Variants in XNDC1N observed in about 807,000 individuals in gnomAD.
XNDC1N encodes protein XNDC1N.
the XNDC1N span, among the ~76,000 whole-genome samples, chr11:71,888,264 A>C: frequency 6.6e-6 from 1 of 152,210 alleles, no homozygotes; most frequent in East Asian, 1.9e-4. Context: ...GCCCGGGATC[A>C]GAAAGAAAGC....
chr11:71,924,461 G>A, the XNDC1N span, among the ~76,000 whole-genome samples: 4 of 152,068 alleles, frequency 2.6e-5, no homozygotes, highest in Admixed American at 6.6e-5. Flanking sequence ...GGTGGATCAC[G>A]AGGTCAGGAG....
chr11:71,903,191 A>C, the XNDC1N span: 3 of 727,236 alleles, frequency 4.1e-6, no homozygotes, highest in South Asian at 4.3e-5. Flanking sequence ...TCCAAACGAT[A>C]CAGACCCACA....
At chr11:71,912,005 A>G in the XNDC1N span, among the ~76,000 whole-genome samples, 3 of 152,212 alleles carry the variant, frequency 2.0e-5, no homozygotes, top group Middle Eastern at 3.2e-3. Context: ...TGGGAGAGTA[A>G]CTGTGCCACA....
chr11:71,919,653 C>T, the XNDC1N span, among the ~76,000 whole-genome samples: 1 of 139,274 alleles, frequency 7.2e-6, no homozygotes, highest in Middle Eastern at 4.6e-3. Flanking sequence ...AGTCTCACTC[C>T]GTAGCCCAGG....
chr11:71,886,868 C>T, the XNDC1N span, among the ~76,000 whole-genome samples: 1 of 152,142 alleles, frequency 6.6e-6, no homozygotes, highest in Non-Finnish European at 1.5e-5. Flanking sequence ...ATCAGAGGGG[C>T]CCCCACAAAG....
the XNDC1N span, chr11:71,878,657 A>C: frequency 1.2e-6 from 1 of 826,798 alleles, no homozygotes; most frequent in East Asian, 2.7e-5. Context: ...GTTGATACTA[A>C]AGAAATAAAT....
the XNDC1N span, among the ~76,000 whole-genome samples, chr11:71,878,724 G>A: frequency 2.0e-5 from 3 of 152,088 alleles, no homozygotes; most frequent in Non-Finnish European, 4.4e-5. Context: ...GCCAGGCACA[G>A]TGGCTCATGT....
the XNDC1N span, among the ~76,000 whole-genome samples, chr11:71,913,166 A>T: frequency 6.6e-6 from 1 of 152,092 alleles, no homozygotes; most frequent in East Asian, 1.9e-4. Flanking sequence ...ACAATATCAC[A>T]GGGTTTTGTA....
chr11:71,925,985 A>G, the XNDC1N span: 4 of 148,052 alleles, frequency 2.7e-5, no homozygotes, highest in Non-Finnish European at 1.5e-5. Context: ...ATCAATGAAC[A>G]CTTGGGCCAG....
the XNDC1N span, among the ~76,000 whole-genome samples, chr11:71,927,228 C>CA: frequency 1.3e-5 from 2 of 152,122 alleles, no homozygotes; most frequent in Middle Eastern, 6.8e-3. Context: ...GCCTGGGCGA[C>CA]AGAGCCGGAC....
the XNDC1N span, among the ~76,000 whole-genome samples, chr11:71,912,679 G>C: frequency 1.1e-3 from 165 of 152,040 alleles, 1 homozygote; most frequent in Non-Finnish European, 1.6e-3. Context: ...GTAGGCGTGG[G>C]GGATGAACAC....
At chr11:71,879,055 A>T in the XNDC1N span, among the ~76,000 whole-genome samples, 8 of 152,166 alleles carry the variant, frequency 5.3e-5, no homozygotes, top group Non-Finnish European at 5.9e-5. Context: ...TGATCAAAAG[A>T]TGGTGAGAGG....
the XNDC1N span, among the ~76,000 whole-genome samples, chr11:71,915,220 G>A: frequency 2.0e-5 from 3 of 152,174 alleles, no homozygotes; most frequent in Non-Finnish European, 2.9e-5. Flanking sequence ...AGGCCGAGAC[G>A]GGAGGATCAC....
the XNDC1N span, among the ~76,000 whole-genome samples, chr11:71,881,164 T>A: frequency 6.6e-6 from 1 of 152,214 alleles, no homozygotes; most frequent in Non-Finnish European, 1.5e-5. Context: ...TTAGCTCTAA[T>A]GACATTTTTA....
At chr11:71,909,264 G>A in the XNDC1N span, among the ~76,000 whole-genome samples, 1,841 of 149,004 alleles carry the variant, frequency 0.012, 37 homozygotes, top group African/African-American at 0.046. Context: ...AAACGGCAAA[G>A]AGAATGGAGG....
the XNDC1N span, among the ~76,000 whole-genome samples, chr11:71,876,653 T>C: frequency 1.3e-5 from 2 of 152,162 alleles, no homozygotes; most frequent in Non-Finnish European, 2.9e-5. Flanking sequence ...GGCAAACAAA[T>C]GTTCATAGAA....
chr11:71,912,981 T>C, the XNDC1N span, among the ~76,000 whole-genome samples: 1 of 152,048 alleles, frequency 6.6e-6, no homozygotes, highest in East Asian at 1.9e-4. Flanking sequence ...GAAATTTTCC[T>C]CTCTTCCCCT....
chr11:71,909,409 G>T, the XNDC1N span, among the ~76,000 whole-genome samples: 5 of 152,174 alleles, frequency 3.3e-5, no homozygotes, highest in South Asian at 8.3e-4. Context: ...CCAGTGTGCT[G>T]ATTGTAAAGA....
At chr11:71,883,957 A>G in the XNDC1N span, among the ~76,000 whole-genome samples, 3 of 152,050 alleles carry the variant, frequency 2.0e-5, no homozygotes, top group African/African-American at 7.2e-5. Context: ...TTCCACCACC[A>G]TATCTCTTCA....
Sources: gnomAD v4.1 joint callset for allele counts (sites outside exome capture counted in the v4.1 genomes callset) on GRCh38, gnomAD v4.1.1 for gene constraint, MANE v1.5 for transcripts, NCBI Gene and HGNC (gene_info 2026-07-23, HGNC 2026-07-21) for gene names.